The following KRTAP20-3 variants were observed in gnomAD, a reference collection of about 807,000 sequenced individuals.
KRTAP20-3 encodes the protein keratin associated protein 20-3, also known as keratin-associated protein 20-3.
For synonymous variants in KRTAP20-3, 16 were observed against 20.4 expected (o/e 0.78, Z 0.59); for missense variants, 52 against 51.7 (o/e 1.01, Z -0.02).
Position 30,643,010 on chromosome 21 carries a change from G to A in KRTAP20-3, c.122G>A (p.Gly41Glu). Residue 41 changes from glycine (G) to glutamate (E), a missense_variant, in exon 1 of 1, where the codon GGG becomes GAG. Transcript: ENST00000382826. ...LDCGYRCGCG[G>E]VWI ...TGTGGCTACAGATGTGGCTGTGGTG[G>A]GGTATGGATTTGACTGCTGCCACCA... 1 of 1,551,492 alleles carries A rather than the reference G, an allele frequency of 6.4e-7. No individual in the cohort carries two copies.
Position 30,642,887 on chromosome 21 carries a change from C to G in KRTAP20-3, c.-2C>G, listed in dbSNP as rs1334545539. The stretch of plus-strand genomic sequence containing the variant: ...CAGGCTAGAGACTTAAATCCTGACA[C>G]AATGAGCTACTATGGCAACTACTAC... On this transcript the variant is annotated 5_prime_UTR_variant, in exon 1 of 1. Transcript: ENST00000382826. The G allele has an allele frequency of 6.4e-7, 1 of 1,551,558 alleles. No homozygotes were observed. The highest frequency in any genetic ancestry group is 8.7e-7 in the Non-Finnish European group (1 of 1,146,706).
chr21:30,642,988 G>A lies in KRTAP20-3; in HGVS notation c.100G>A (p.Gly34Ser). The A allele has an allele frequency of 6.4e-7, 1 of 1,551,650 alleles. No individual in the cohort carries two copies. The highest frequency in any genetic ancestry group is 1.2e-5 in the South Asian group (1 of 84,058). Residue 34 changes from glycine (G) to serine (S), a missense_variant, in exon 1 of 1, where the codon GGC (glycine) becomes AGC (serine). By Grantham distance (56) the Gly-to-Ser change is moderately conservative. Coordinates refer to ENST00000382826, the MANE Select transcript of KRTAP20-3 (RefSeq NM_001128077.1). ...GFGAFRILDC[G>S]YRCGCGGVWI The stretch of plus-strand genomic sequence containing the variant: ...TGGTGCCTTTAGAATCCTGGACTGT[G>A]GCTACAGATGTGGCTGTGGTGGGGT...
At position 30,642,944 on chromosome 21, in the gene KRTAP20-3, A is replaced by G; in HGVS notation, c.56A>G (p.Tyr19Cys). 1 of 1,551,896 alleles carries G rather than the reference A, an allele frequency of 6.4e-7. No individual in the cohort carries two copies. The change falls in exon 1 of 1, where the codon TAT becomes TGT. Residue 19 changes from tyrosine to cysteine, a missense_variant. Coordinates refer to ENST00000382826, the MANE Select transcript of KRTAP20-3 (RefSeq NM_001128077.1). ...CTGGGCTATGGCTATGACTGTAAAT[A>G]TAGTTATACCTCTGGCTTTGGTGCC... ...GGLGYGYDCK[Y>C]SYTSGFGAFR...
rs1318627353 is a variant in KRTAP20-3, at chr21:30,642,912, C to T, written c.24C>T (p.Tyr8=). The change falls in exon 1 of 1, where the codon TAC becomes TAT. Residue 8 remains tyrosine, a synonymous_variant. Transcript: ENST00000382826. MSYYGNY[Y]GGLGYGYDCK... is the part of the protein sequence containing the mutation. ...CAATGAGCTACTATGGCAACTACTA[C>T]GGAGGACTGGGCTATGGCTATGACT... 5.8e-6 allele frequency: 9 copies of T among 1,551,858 alleles called. No individual in the cohort carries two copies. Among genetic ancestry groups the T allele is most frequent in the Non-Finnish European group, 7.0e-6 (8 of 1,146,888 alleles).
At chr21:30,642,936 CTG>C in the KRTAP20-3 span, 1 of 1,551,790 alleles carries the variant, frequency 6.4e-7, no homozygotes, top group Non-Finnish European at 8.7e-7. Context: ...ATGGCTATGA[CTG>C]TAAATATAGT....
chr21:30,642,999 T>C lies in KRTAP20-3; in HGVS notation c.111T>C (p.Cys37=). The C allele has an allele frequency of 6.4e-7, 1 of 1,551,562 alleles. No individual in the cohort carries two copies. Among genetic ancestry groups the C allele is most frequent in the Non-Finnish European group, 8.7e-7 (1 of 1,146,892 alleles). The change falls in exon 1 of 1, where the codon TGT becomes TGC. Residue 37 remains cysteine, a synonymous_variant. Transcript: ENST00000382826. ...AFRILDCGYR[C]GCGGVWI The stretch of plus-strand genomic sequence containing the variant: ...GAATCCTGGACTGTGGCTACAGATG[T>C]GGCTGTGGTGGGGTATGGATTTGAC...
In KRTAP20-3 at chr21:30,643,004, G is replaced by A. The variant is rs1981343143; in HGVS notation, c.116G>A (p.Cys39Tyr). The change falls in exon 1 of 1, where the codon TGT (cysteine) becomes TAT (tyrosine). Residue 39 changes from cysteine to tyrosine, a missense_variant. Cys to Tyr is a radical substitution (Grantham distance 194). Coordinates refer to ENST00000382826, the MANE Select transcript of KRTAP20-3 (RefSeq NM_001128077.1). ...CTGGACTGTGGCTACAGATGTGGCTGTGGTGGGGTATGGATTTGACTGCTG... is the reference window on the plus strand; with the variant it reads ...CTGGACTGTGGCTACAGATGTGGCTATGGTGGGGTATGGATTTGACTGCTG... Reference protein sequence around the residue: ...RILDCGYRCGCGGVWI With the variant: ...RILDCGYRCGYGGVWI 1.9e-6 allele frequency: 3 copies of A among 1,551,580 alleles called. No individual in the cohort carries two copies. The highest frequency in any genetic ancestry group is 2.6e-6 in the Non-Finnish European group (3 of 1,146,884).
Sources: gnomAD v4.1 joint callset for allele counts on GRCh38, gnomAD v4.1.1 for gene constraint, MANE v1.5 for transcripts, NCBI Gene and HGNC (gene_info 2026-07-23, HGNC 2026-07-21) for gene names.